The following GUCY1A2 variants were observed in gnomAD, a reference collection of about 807,000 sequenced individuals.
GUCY1A2 encodes the protein guanylate cyclase 1 soluble subunit alpha 2.
GUCY1A2 carries 27 observed loss-of-function variants against 63.5 expected under a neutral mutation model. The observed-to-expected ratio is 0.43, with a 90% CI of 0.31 to 0.59. The LOEUF (loss-of-function observed/expected upper bound fraction) is 0.59. Ranked by LOEUF, GUCY1A2 falls within the 20% of genes least tolerant of loss-of-function variation. GUCY1A2 has a pLI of 0.11. For missense variants in GUCY1A2, 768 were observed against 913.3 expected (o/e 0.84, Z 2.05); for synonymous variants, 364 against 343.5 (o/e 1.06, Z -0.66).
chr11:106,824,107 C>G, intron 4 of GUCY1A2: 2 of 1,506,440 alleles, frequency 1.3e-6, no homozygotes, highest in Non-Finnish European at 1.8e-6. Context: ...AAAATAGGAC[C>G]TAAAGCTAAT....
At chr11:106,806,370 A>T (rs1174287809) in intron 5 of GUCY1A2, among the ~76,000 whole-genome samples, 1 of 152,196 alleles carries the variant, frequency 6.6e-6, no homozygotes, top group Non-Finnish European at 1.5e-5. Flanking sequence ...TGTATTTAAA[A>T]TAGCACTGGA....
chr11:106,787,007 A>G (rs953765425), intron 5 of GUCY1A2, among the ~76,000 whole-genome samples: 5 of 152,188 alleles, frequency 3.3e-5, no homozygotes, highest in Admixed American at 1.3e-4. Flanking sequence ...GTGCTAAGTA[A>G]TGTTAATTGA....
intron 6 of GUCY1A2, among the ~76,000 whole-genome samples, chr11:106,711,701 C>A (rs932695152): frequency 6.6e-6 from 1 of 152,060 alleles, no homozygotes; most frequent in African/African-American, 2.4e-5. Context: ...TACAGGACTT[C>A]TTAAATATTT....
intron 3 of GUCY1A2, among the ~76,000 whole-genome samples, chr11:106,958,068 T>C (rs1004302693): frequency 6.6e-6 from 1 of 152,170 alleles, no homozygotes; most frequent in African/African-American, 2.4e-5. Context: ...GTTTCCATGC[T>C]GTAGCTATTA....
At chr11:106,766,497 T>C (rs1015073343) in intron 6 of GUCY1A2, among the ~76,000 whole-genome samples, 7 of 152,136 alleles carry the variant, frequency 4.6e-5, no homozygotes, top group Non-Finnish European at 2.9e-5. Context: ...AATTGGTTGG[T>C]AAATTATAGG....
intron 3 of GUCY1A2, among the ~76,000 whole-genome samples, chr11:106,956,478 T>C (rs1860985867): frequency 6.6e-6 from 1 of 152,070 alleles, no homozygotes; most frequent in Non-Finnish European, 1.5e-5. Flanking sequence ...TTTGTTGTTG[T>C]TGTTGTTGTT....
At chr11:106,982,420 G>A (rs1280679328) in intron 2 of GUCY1A2, among the ~76,000 whole-genome samples, 1 of 151,990 alleles carries the variant, frequency 6.6e-6, no homozygotes, top group Non-Finnish European at 1.5e-5. Context: ...GAGTTAAAGA[G>A]CAACTAACAT....
chr11:106,733,095 A>G (rs918519399), intron 6 of GUCY1A2, among the ~76,000 whole-genome samples: 11 of 152,210 alleles, frequency 7.2e-5, no homozygotes, highest in African/African-American at 2.7e-4. Flanking sequence ...AGCGAGTAAC[A>G]TAAACCACCA....
At chr11:107,016,988 A>AT (rs1565361443) in intron 1 of GUCY1A2, among the ~76,000 whole-genome samples, 1 of 152,210 alleles carries the variant, frequency 6.6e-6, no homozygotes, top group Non-Finnish European at 1.5e-5. Context: ...TTTGGTACCT[A>AT]TGTAACAAAT....
At chr11:106,949,633 T>C (rs1406022122) in intron 3 of GUCY1A2, among the ~76,000 whole-genome samples, 1 of 152,132 alleles carries the variant, frequency 6.6e-6, no homozygotes, top group African/African-American at 2.4e-5. Context: ...AGCCTAATAT[T>C]TCCCACACAA....
chr11:106,947,513 A>G (rs1565340244), intron 3 of GUCY1A2, among the ~76,000 whole-genome samples: 1 of 152,030 alleles, frequency 6.6e-6, no homozygotes, highest in Admixed American at 6.6e-5. Context: ...CAAAGTCAGA[A>G]AAATAAAATA....
chr11:106,763,898 A>G (rs1288514135), intron 6 of GUCY1A2, among the ~76,000 whole-genome samples: 1 of 152,144 alleles, frequency 6.6e-6, no homozygotes, highest in African/African-American at 2.4e-5. Flanking sequence ...AAAAGGATCA[A>G]CTGATACCAT....
intron 4 of GUCY1A2, among the ~76,000 whole-genome samples, chr11:106,884,498 C>A (rs1026794570): frequency 6.6e-6 from 1 of 151,750 alleles, no homozygotes; most frequent in African/African-American, 2.4e-5. Context: ...GAGAGGTGTA[C>A]AGAGGAAAGG....
At chr11:106,770,591 T>G (rs1262192536) in intron 6 of GUCY1A2, among the ~76,000 whole-genome samples, 2 of 151,854 alleles carry the variant, frequency 1.3e-5, no homozygotes, top group Non-Finnish European at 2.9e-5. Context: ...ATTTAAAAAT[T>G]AAAAATTATT....
Position 106,894,971 on chromosome 11 carries a change from T to C in GUCY1A2, c.1206+44489A>G, listed in dbSNP as rs193164080. Among the ~76,000 whole-genome samples the C allele has an allele frequency of 1.3e-4, 20 of 152,246 alleles. No homozygotes were observed. In the East Asian group the frequency reaches 3.5e-3, roughly 26 times the overall value. Reference sequence around the variant, plus strand: ...AAAGTCAATGAAAACAAAACGTGGTTCTTTGAAAAGGTTAATAAAACTAAT... The same window carrying C: ...AAAGTCAATGAAAACAAAACGTGGTCCTTTGAAAAGGTTAATAAAACTAAT... On this transcript the variant is annotated intron_variant, in intron 4 of 7. Transcript: ENST00000526355.
chr11:106,725,698 C>T (rs17564612), intron 6 of GUCY1A2, among the ~76,000 whole-genome samples: 11,782 of 151,952 alleles, frequency 0.078, 675 homozygotes, highest in Non-Finnish European at 0.12. Flanking sequence ...TATTTGTTCC[C>T]ATTGATGGAG....
At chr11:106,784,056 CCTTCAT>C (rs1488408173) in intron 5 of GUCY1A2, among the ~76,000 whole-genome samples, 1 of 151,898 alleles carries the variant, frequency 6.6e-6, no homozygotes, top group African/African-American at 2.4e-5. Context: ...ACTTTATTTT[CCTTCAT>C]CATTTCCTCT....
In GUCY1A2 at chr11:106,677,201, A is replaced by G; in HGVS notation, c.*10348T>C. 4.5e-6 allele frequency: 1 copy of G among 222,254 alleles called. No homozygotes were observed. Among genetic ancestry groups the G allele is most frequent in the Non-Finnish European group, 9.0e-6 (1 of 110,522 alleles). The allele number at this position is 222,254 out of a possible 1,614,324, so 13.8% of individuals were successfully genotyped here. A position where few individuals can be genotyped will look rare whatever the true frequency, so the allele number is the denominator to read the frequency against. Reference sequence around the variant, plus strand: ...GGGAAGGAAAGGAAGGAAAGGAAGGAAGGAAGGAAGATAGGAAGATAATTC... The same window carrying G: ...GGGAAGGAAAGGAAGGAAAGGAAGGGAGGAAGGAAGATAGGAAGATAATTC... On this transcript the variant is annotated 3_prime_UTR_variant, in exon 8 of 8. Transcript: ENST00000526355.
intron 4 of GUCY1A2, among the ~76,000 whole-genome samples, chr11:106,900,909 G>T (rs1448364930): frequency 6.6e-6 from 1 of 152,174 alleles, no homozygotes; most frequent in African/African-American, 2.4e-5. Context: ...TGCCTCTGTT[G>T]TTGGCTGCTA....
Sources: gnomAD v4.1 joint callset for allele counts (sites outside exome capture counted in the v4.1 genomes callset) on GRCh38, gnomAD v4.1.1 for gene constraint, MANE v1.5 for transcripts, NCBI Gene and HGNC (gene_info 2026-07-23, HGNC 2026-07-21) for gene names.